NXN: variants seen among roughly 807,000 people sequenced by gnomAD.
NXN encodes nucleoredoxin, also known as nucleoredoxin 1.
A neutral mutation model predicts 48.6 loss-of-function variants in NXN; 16 were observed. The ratio of observed to expected loss-of-function variants is 0.33; its 90% CI spans 0.22 to 0.50. NXN has a LOEUF of 0.50. Among genes scored for constraint, NXN ranks in the 20% least tolerant of loss-of-function variants. The probability of loss-of-function intolerance (pLI) is 0.98; values close to 1 mark genes in which losing one functional copy is unlikely to be tolerated. For synonymous variants in NXN, 281 were observed against 269.6 expected, an observed-to-expected ratio of 1.04 and a Z score of -0.41; for missense variants, 492 against 605.5, an observed-to-expected ratio of 0.81 and a Z score of 1.97.
At chr17:840,363 G>A (rs142039340) in intron 1 of NXN, among the ~76,000 whole-genome samples, 6 of 151,528 alleles carry the variant, frequency 4.0e-5, no homozygotes, top group East Asian at 2.0e-4. Context: ...TTCTTGAGAC[G>A]GAGTCTCGCT....
At chr17:901,640 A>G (rs766653278) in intron 1 of NXN, among the ~76,000 whole-genome samples, 10 of 152,162 alleles carry the variant, frequency 6.6e-5, no homozygotes, top group Non-Finnish European at 8.8e-5. Flanking sequence ...AATCGATGGC[A>G]TTTTGTCCCA....
intron 5 of NXN, among the ~76,000 whole-genome samples, chr17:805,844 AAT>A (rs1911467244): frequency 6.6e-6 from 1 of 152,044 alleles, no homozygotes; most frequent in African/African-American, 2.4e-5. Flanking sequence ...TCTCTAAACA[AAT>A]AAATAAATAA....
At chr17:922,197 T>C (rs1331367745) in intron 1 of NXN, among the ~76,000 whole-genome samples, 1 of 152,148 alleles carries the variant, frequency 6.6e-6, no homozygotes, top group East Asian at 1.9e-4. Flanking sequence ...ATCCTAACAC[T>C]TTGGGAGGCC....
intron 1 of NXN, among the ~76,000 whole-genome samples, chr17:862,110 C>T (rs979707808): frequency 1.7e-4 from 26 of 152,296 alleles, no homozygotes; most frequent in African/African-American, 6.0e-4. Context: ...GGATTACAGG[C>T]GTGAGCCACC....
At chr17:951,526 T>C (rs2069110509) in intron 1 of NXN, among the ~76,000 whole-genome samples, 1 of 146,728 alleles carries the variant, frequency 6.8e-6, no homozygotes, top group South Asian at 2.3e-4. Flanking sequence ...AGCCAGGGTC[T>C]TTCTCAATCA....
chr17:808,208 G>C (rs554116525), intron 5 of NXN, among the ~76,000 whole-genome samples: 1 of 152,142 alleles, frequency 6.6e-6, no homozygotes, highest in Non-Finnish European at 1.5e-5. Context: ...CTCTGCTCCT[G>C]GGGGAGAAGG....
chr17:847,282 A>G (rs2067874173), intron 1 of NXN, among the ~76,000 whole-genome samples: 1 of 151,526 alleles, frequency 6.6e-6, no homozygotes, highest in South Asian at 2.1e-4. Flanking sequence ...AGAACTTTCC[A>G]GTGCCCAGTT....
At chr17:817,269 AC>A (rs1436488176) in intron 5 of NXN, among the ~76,000 whole-genome samples, 1 of 152,194 alleles carries the variant, frequency 6.6e-6, no homozygotes, top group Non-Finnish European at 1.5e-5. Flanking sequence ...TCTCATATGT[AC>A]TTGGGATTGA....
At chr17:878,711 C>T (rs941276303) in intron 1 of NXN, among the ~76,000 whole-genome samples, 19 of 152,006 alleles carry the variant, frequency 1.2e-4, no homozygotes, top group African/African-American at 4.4e-4. Flanking sequence ...CAATAGTGCC[C>T]CAACCTGATT....
intron 1 of NXN, among the ~76,000 whole-genome samples, chr17:954,795 C>T (rs754784504): frequency 2.0e-5 from 3 of 152,250 alleles, no homozygotes; most frequent in Non-Finnish European, 4.4e-5. Context: ...TGGCTCTCTA[C>T]CAGTTAGGGG....
At chr17:965,996 G>A (rs948263725) in intron 1 of NXN, among the ~76,000 whole-genome samples, 1 of 151,840 alleles carries the variant, frequency 6.6e-6, no homozygotes, top group Non-Finnish European at 1.5e-5. Context: ...GGCACCTGTA[G>A]TCCCAGCTAC....
Position 939,723 on chromosome 17 carries a change from G to A in NXN, c.360+39596C>T, listed in dbSNP as rs1301456979. 3.9e-5 allele frequency among the ~76,000 whole-genome samples: 6 copies of A among 152,180 alleles called. No individual in the cohort carries two copies. In the East Asian group the frequency reaches 1.2e-3, roughly 29 times the overall value. On this transcript the variant is annotated intron_variant, in intron 1 of 7. Coordinates refer to ENST00000336868, the MANE Select transcript of NXN (RefSeq NM_022463.5). Reference sequence around the variant, plus strand: ...CATCCTAATTGTGTAAGACACACACGTACGTGCCTACATAGGAAAAGACAA... The same window carrying A: ...CATCCTAATTGTGTAAGACACACACATACGTGCCTACATAGGAAAAGACAA...
At chr17:833,049 C>T (rs1432106680) in intron 1 of NXN, among the ~76,000 whole-genome samples, 2 of 152,054 alleles carry the variant, frequency 1.3e-5, no homozygotes, top group Admixed American at 6.6e-5. Flanking sequence ...TGCCACCACG[C>T]CCAGCTAATT....
At chr17:955,167 T>C (rs549760141) in intron 1 of NXN, among the ~76,000 whole-genome samples, 37 of 148,540 alleles carry the variant, frequency 2.5e-4, no homozygotes, top group South Asian at 1.7e-3. Context: ...TCTTTCTTTT[T>C]TTTTTTTTTT....
intron 1 of NXN, among the ~76,000 whole-genome samples, chr17:967,783 A>G (rs946328382): frequency 6.6e-6 from 1 of 152,152 alleles, no homozygotes; most frequent in Admixed American, 6.6e-5. Flanking sequence ...CATCCTGGCT[A>G]ATATGGTGAA....
intron 1 of NXN, among the ~76,000 whole-genome samples, chr17:895,926 G>T (rs1212670706): frequency 2.0e-5 from 3 of 152,124 alleles, no homozygotes; most frequent in Admixed American, 2.0e-4. Context: ...ACTGTTGATG[G>T]GCTGGGGGCA....
chr17:848,464 T>C (rs534079661), intron 1 of NXN, among the ~76,000 whole-genome samples: 15 of 152,356 alleles, frequency 9.8e-5, no homozygotes, highest in African/African-American at 3.6e-4. Flanking sequence ...TAAAAGGTAC[T>C]GCTACGGCTT....
At chr17:826,183 C>T (rs897319013) in intron 1 of NXN, 105 bp from the exon 2 acceptor site, 14 of 801,774 alleles carry the variant, frequency 1.7e-5, no homozygotes, top group Non-Finnish European at 2.7e-5. Flanking sequence ...GGCAAGCATT[C>T]AAGCACACAG....
chr17:941,441 C>T (rs1428562606), intron 1 of NXN, among the ~76,000 whole-genome samples: 1 of 139,612 alleles, frequency 7.2e-6, no homozygotes, highest in Admixed American at 7.1e-5. Flanking sequence ...AGGGCGCAGC[C>T]ATGAACTCAC....
Sources: gnomAD v4.1 joint callset for allele counts (sites outside exome capture counted in the v4.1 genomes callset) on GRCh38, gnomAD v4.1.1 for gene constraint, MANE v1.5 for transcripts, NCBI Gene and HGNC (gene_info 2026-07-23, HGNC 2026-07-21) for gene names.